Variants in GMDS observed in about 807,000 individuals in gnomAD.
GMDS encodes the protein GDP-mannose 4,6-dehydratase.
GMDS carries 20 observed loss-of-function variants against 49.9 expected under a neutral mutation model. The ratio of observed to expected loss-of-function variants is 0.40; its 90% confidence interval spans 0.28 to 0.58. The LOEUF (loss-of-function observed/expected upper bound fraction) is 0.58. Ranked by LOEUF, GMDS falls within the 20% of genes least tolerant of loss-of-function variation. The pLI, the probability that GMDS is intolerant of heterozygous loss-of-function variation, is 0.42. For synonymous variants in GMDS, 177 were observed against 178.6 expected (o/e 0.99, Z 0.07); for missense variants, 362 against 481.4 (o/e 0.75, Z 2.32).
At chr6:1,729,119 C>T (rs567912816) in intron 8 of GMDS, among the ~76,000 whole-genome samples, 22 of 152,290 alleles carry the variant, frequency 1.4e-4, no homozygotes, top group Non-Finnish European at 2.1e-4. Context: ...GTGGCCTGCA[C>T]GGCTAGACTG....
chr6:2,073,166 G>A (rs947328361), intron 4 of GMDS, among the ~76,000 whole-genome samples: 5 of 152,172 alleles, frequency 3.3e-5, no homozygotes, highest in Non-Finnish European at 7.3e-5. Flanking sequence ...GCACCAGTGC[G>A]CCTTGGCAAC....
intron 9 of GMDS, among the ~76,000 whole-genome samples, chr6:1,703,564 C>A (rs973654984): frequency 5.9e-5 from 9 of 152,246 alleles, no homozygotes; most frequent in Non-Finnish European, 1.0e-4. Context: ...TAAAGAAATA[C>A]AATCCTCTTC....
intron 8 of GMDS, among the ~76,000 whole-genome samples, chr6:1,730,748 G>T (rs138327786): frequency 6.6e-6 from 1 of 152,114 alleles, no homozygotes; most frequent in Non-Finnish European, 1.5e-5. Context: ...AAAAGGCCCC[G>T]TCAAGTCCTC....
At chr6:1,952,589 A>C (rs921477999) in intron 6 of GMDS, among the ~76,000 whole-genome samples, 14 of 152,100 alleles carry the variant, frequency 9.2e-5, no homozygotes, top group Admixed American at 7.9e-4. Flanking sequence ...GATCTCATGA[A>C]ATTCTGAACA....
At chr6:1,739,620 A>G (rs1021043821) in intron 8 of GMDS, among the ~76,000 whole-genome samples, 1 of 152,190 alleles carries the variant, frequency 6.6e-6, no homozygotes, top group Non-Finnish European at 1.5e-5. Context: ...AGGACCCACA[A>G]GGGCCAGCCA....
chr6:1,844,562 T>C (rs544324649), intron 7 of GMDS, among the ~76,000 whole-genome samples: 1 of 152,356 alleles, frequency 6.6e-6, no homozygotes, highest in Non-Finnish European at 1.5e-5. Flanking sequence ...TAAATAGCCT[T>C]CATTATCTGA....
At chr6:1,949,301 T>G (rs967131285) in intron 6 of GMDS, among the ~76,000 whole-genome samples, 3 of 152,216 alleles carry the variant, frequency 2.0e-5, no homozygotes, top group Non-Finnish European at 2.9e-5. Context: ...AACTGAGATC[T>G]GAGTAAGTGA....
At chr6:1,854,238 T>C (rs1208932206) in intron 7 of GMDS, among the ~76,000 whole-genome samples, 5 of 152,212 alleles carry the variant, frequency 3.3e-5, no homozygotes, top group African/African-American at 9.6e-5. Flanking sequence ...TAGAGAAAGA[T>C]GGATTATGAG....
At chr6:1,725,973 C>T (rs748703679) in intron 9 of GMDS, among the ~76,000 whole-genome samples, 4 of 152,152 alleles carry the variant, frequency 2.6e-5, no homozygotes, top group Non-Finnish European at 4.4e-5. Context: ...GCAGGGGAGA[C>T]CATTTATGGT....
At chr6:2,068,183 G>A (rs1352262383) in intron 4 of GMDS, among the ~76,000 whole-genome samples, 1 of 152,016 alleles carries the variant, frequency 6.6e-6, no homozygotes, top group African/African-American at 2.4e-5. Context: ...TATCTCAATA[G>A]ATGCAGAAAA....
intron 1 of GMDS, among the ~76,000 whole-genome samples, chr6:2,147,045 G>A (rs1483396580): frequency 1.3e-5 from 2 of 152,126 alleles, no homozygotes; most frequent in Non-Finnish European, 2.9e-5. Flanking sequence ...CCATTAACTG[G>A]CACTGCAGGA....
rs990877157 is a variant in GMDS at position 1,737,723 on chromosome 6, CACAA to C, written c.890+4741_890+4744del. 1.5e-4 allele frequency among the ~76,000 whole-genome samples: 21 copies of C among 143,724 alleles called. No individual in the cohort carries two copies. In the South Asian group the frequency reaches 1.6e-3, roughly 11 times the overall value. The allele number at this position is 143,724 out of a possible 152,430, so 94.3% of individuals were successfully genotyped here. On this transcript the variant is annotated intron_variant, in intron 8 of 10. Coordinates refer to ENST00000380815, the MANE Select transcript of GMDS (RefSeq NM_001500.4). ...ACACGCACACACCACAAAGACACAC[CACAA>C]ACACACACACACATACACATACACA...
intron 7 of GMDS, among the ~76,000 whole-genome samples, chr6:1,843,660 CA>C (rs1757248425): frequency 6.6e-6 from 1 of 152,116 alleles, no homozygotes; most frequent in Non-Finnish European, 1.5e-5. Context: ...CCCAGTTACC[CA>C]GGAGGCTGAG....
chr6:1,805,320 T>C (rs1180901571), intron 7 of GMDS, among the ~76,000 whole-genome samples: 1 of 152,196 alleles, frequency 6.6e-6, no homozygotes, highest in Non-Finnish European at 1.5e-5. Context: ...GAGGAACATA[T>C]CTTACTAAAA....
At chr6:1,819,000 G>C (rs1434430970) in intron 7 of GMDS, among the ~76,000 whole-genome samples, 1 of 151,892 alleles carries the variant, frequency 6.6e-6, no homozygotes. Flanking sequence ...ATAGAAGCTG[G>C]TATTTACACA....
chr6:2,245,600 A>G lies in GMDS; in HGVS notation c.-178T>C, dbSNP rs1184762861. The G allele has an allele frequency of 5.4e-6, 2 of 373,510 alleles. No individual in the cohort carries two copies. The highest frequency in any genetic ancestry group is 9.4e-6 in the Non-Finnish European group (2 of 212,486). 23.1% of individuals were successfully genotyped at this position (373,510 alleles called of 1,614,324 possible). On this transcript the variant is annotated 5_prime_UTR_variant, in exon 1 of 11. Coordinates refer to ENST00000380815, the MANE Select transcript of GMDS (RefSeq NM_001500.4). ...GACAGGGGCGCACGGGAGGCCGTGCAGGGAGGGCCGGGGGCGGGCCGAGCC... is the reference window on the plus strand; with the variant it reads ...GACAGGGGCGCACGGGAGGCCGTGCGGGGAGGGCCGGGGGCGGGCCGAGCC...
chr6:1,895,301 C>G lies in GMDS; in HGVS notation c.771+34802G>C, dbSNP rs141962147. 4.7e-3 allele frequency among the ~76,000 whole-genome samples: 722 copies of G among 152,280 alleles called. 6 individuals carry two copies. The highest frequency in any genetic ancestry group is 0.016 in the African/African-American group (672 of 41,556). ...CTTGGAAAGATGAACCGTTTCTCCGCTGCATTTTCTTTTAAACCTTTGTGT... is the reference window on the plus strand; with the variant it reads ...CTTGGAAAGATGAACCGTTTCTCCGGTGCATTTTCTTTTAAACCTTTGTGT... On this transcript the variant is annotated intron_variant, in intron 7 of 10. Coordinates refer to ENST00000380815, the MANE Select transcript of GMDS (RefSeq NM_001500.4).
At chr6:1,995,527 C>G (rs1766222827) in intron 4 of GMDS, among the ~76,000 whole-genome samples, 1 of 152,112 alleles carries the variant, frequency 6.6e-6, no homozygotes, top group Non-Finnish European at 1.5e-5. Flanking sequence ...AAAATCAACT[C>G]CATCCGCACT....
chr6:1,803,107 C>A (rs1157800836), intron 7 of GMDS, among the ~76,000 whole-genome samples: 1 of 152,202 alleles, frequency 6.6e-6, no homozygotes, highest in East Asian at 1.9e-4. Flanking sequence ...TTATGTGGAA[C>A]CTCATGCAGG....
Sources: gnomAD v4.1 joint callset for allele counts (sites outside exome capture counted in the v4.1 genomes callset) on GRCh38, gnomAD v4.1.1 for gene constraint, MANE v1.5 for transcripts, NCBI Gene and HGNC (gene_info 2026-07-23, HGNC 2026-07-21) for gene names.